PARD3B: variants seen among roughly 807,000 people sequenced by gnomAD.
The protein encoded by PARD3B is par-3 family cell polarity regulator beta, also known as partitioning defective 3 homolog B.
A neutral mutation model predicts 130.2 loss-of-function variants in PARD3B; 103 were observed. That is an observed-to-expected ratio of 0.79 (90% CI 0.67 to 0.93). The LOEUF (loss-of-function observed/expected upper bound fraction) is 0.93. Ranked by LOEUF, PARD3B falls within the 40% of genes least tolerant of loss-of-function variation. The pLI, the probability that PARD3B is intolerant of heterozygous loss-of-function variation, is 0.00. For missense variants in PARD3B, 1,609 were observed against 1,499.2 expected (o/e 1.07, Z -1.21); for synonymous variants, 583 against 553.2 (o/e 1.05, Z -0.76).
At position 205,440,092 on chromosome 2, in the gene PARD3B, A is replaced by G. The variant is rs1575027326; in HGVS notation, c.2742-278A>G. On this transcript the variant is annotated intron_variant, in intron 19 of 22. Coordinates refer to ENST00000406610, the MANE Select transcript of PARD3B (RefSeq NM_001302769.2). This position sits in a 1 kb window ranked among gnomAD's most constrained non-coding sequence, Gnocchi z 4.2. ...CTGTGGGGAGGGAATGTGAATGAAA[A>G]CAGCCTCTGAAGCTACTATCAGCCT... Among the ~76,000 whole-genome samples, 1 of 152,160 alleles carries G rather than the reference A, an allele frequency of 6.6e-6. No homozygotes were observed. Among genetic ancestry groups the G allele is most frequent in the Non-Finnish European group, 1.5e-5 (1 of 68,028 alleles).
At chr2:205,043,410 A>G (rs190855323) in intron 3 of PARD3B, among the ~76,000 whole-genome samples, 281 of 152,154 alleles carry the variant, frequency 1.8e-3, no homozygotes, top group African/African-American at 6.5e-3. Flanking sequence ...GTTATGTGCT[A>G]TGTTCACCAA....
chr2:205,174,906 G>T (rs2035380786), intron 12 of PARD3B, among the ~76,000 whole-genome samples: 1 of 152,164 alleles, frequency 6.6e-6, no homozygotes, highest in African/African-American at 2.4e-5. Context: ...ATTTTTCAAA[G>T]GATGAGCTTG....
chr2:205,130,901 G>A lies in PARD3B; in HGVS notation c.1434+5164G>A, dbSNP rs1258205065. ...AGAAAAAATGATGCACATGCATGTG[G>A]AACCCTACTTAACAGTTGCTGAGCT... On this transcript the variant is annotated intron_variant, in intron 10 of 22. Transcript: ENST00000406610. 2.6e-5 allele frequency among the ~76,000 whole-genome samples: 4 copies of A among 152,110 alleles called. 1 individual carries two copies. Among genetic ancestry groups the A allele is most frequent in the Non-Finnish European group, 5.9e-5 (4 of 68,012 alleles).
chr2:205,203,642 T>C (rs977409319), intron 15 of PARD3B, among the ~76,000 whole-genome samples: 9 of 151,978 alleles, frequency 5.9e-5, no homozygotes, highest in African/African-American at 1.7e-4. Flanking sequence ...GTGATGTTCC[T>C]CTCCCTGTGT....
At chr2:204,946,302 C>T (rs1464704443) in intron 2 of PARD3B, among the ~76,000 whole-genome samples, 1 of 152,224 alleles carries the variant, frequency 6.6e-6, no homozygotes, top group East Asian at 1.9e-4. Flanking sequence ...TCTAGTTTCT[C>T]ATCCAGCATT....
In PARD3B at chr2:204,606,640, T is replaced by A. The variant is rs1369616617; in HGVS notation, c.120+60521T>A. On this transcript the variant is annotated intron_variant, in intron 1 of 22. Coordinates refer to ENST00000406610, the MANE Select transcript of PARD3B (RefSeq NM_001302769.2). This position sits in a 1 kb window ranked among gnomAD's most constrained non-coding sequence, Gnocchi z 4.0. ...TCAGAATAGGAGAATCAACCATTTA[T>A]GAAGAAGCTCCAGTGGCTACCACAG... 6.6e-6 allele frequency among the ~76,000 whole-genome samples: 1 copy of A among 152,162 alleles called. No homozygotes were observed. Among genetic ancestry groups the A allele is most frequent in the Non-Finnish European group, 1.5e-5 (1 of 68,046 alleles).
chr2:205,380,083 T>A (rs868278354), intron 18 of PARD3B, among the ~76,000 whole-genome samples: 220 of 133,054 alleles, frequency 1.7e-3, no homozygotes, highest in Non-Finnish European at 2.5e-3. Context: ...AAAAAAAAAA[T>A]ATGTATATAT....
chr2:204,838,359 G>A (rs1386541115), intron 2 of PARD3B, among the ~76,000 whole-genome samples: 1 of 146,426 alleles, frequency 6.8e-6, no homozygotes, highest in Non-Finnish European at 1.5e-5. Flanking sequence ...ATGTGTGTGT[G>A]TGTGTGTGTG....
intron 2 of PARD3B, among the ~76,000 whole-genome samples, chr2:204,956,969 T>G (rs1030159715): frequency 2.6e-4 from 40 of 152,170 alleles, no homozygotes; most frequent in African/African-American, 8.2e-4. Flanking sequence ...CATGGCACCC[T>G]TTGCCCTACC....
chr2:204,770,892 G>C (rs757817295), intron 2 of PARD3B, among the ~76,000 whole-genome samples: 3 of 151,978 alleles, frequency 2.0e-5, no homozygotes, highest in Admixed American at 6.6e-5. Context: ...TTAATCTCTT[G>C]TGCAATTTTG....
At chr2:204,958,063 C>G (rs1165362841) in intron 2 of PARD3B, among the ~76,000 whole-genome samples, 1 of 152,088 alleles carries the variant, frequency 6.6e-6, no homozygotes, top group Non-Finnish European at 1.5e-5. Flanking sequence ...CATTAGTTCA[C>G]TTGACATGTA....
chr2:205,285,424 T>C (rs1391281950), intron 16 of PARD3B, among the ~76,000 whole-genome samples: 1 of 152,164 alleles, frequency 6.6e-6, no homozygotes, highest in African/African-American at 2.4e-5. Flanking sequence ...GCCTTGCCTA[T>C]TGTCCATGTG....
At chr2:204,892,619 G>C (rs1036627478) in intron 2 of PARD3B, among the ~76,000 whole-genome samples, 1 of 152,188 alleles carries the variant, frequency 6.6e-6, no homozygotes, top group Non-Finnish European at 1.5e-5. Context: ...GCTGTACTGA[G>C]AAAAGATATA....
Position 205,244,188 on chromosome 2 carries a change from T to C in PARD3B, c.2141-1590T>C, listed in dbSNP as rs2039472542. 6.6e-6 allele frequency among the ~76,000 whole-genome samples: 1 copy of C among 152,202 alleles called. No homozygotes were observed. On this transcript the variant is annotated intron_variant, in intron 15 of 22. Coordinates refer to ENST00000406610, the MANE Select transcript of PARD3B (RefSeq NM_001302769.2). This position sits in a 1 kb window ranked among gnomAD's most constrained non-coding sequence, Gnocchi z 4.7. ...GGGCTAGGTGGGAGTGGGAAGATTA[T>C]GTATAGTAACTGGGTCAATTAAGAC... is the stretch of plus-strand genomic sequence containing the variant.
chr2:204,672,986 T>C (rs2036377393), intron 1 of PARD3B, among the ~76,000 whole-genome samples: 1 of 152,216 alleles, frequency 6.6e-6, no homozygotes, highest in Admixed American at 6.5e-5. Context: ...TATGTATGTA[T>C]ATGTATGCCC....
chr2:204,911,480 C>G (rs905719250), intron 2 of PARD3B, among the ~76,000 whole-genome samples: 1 of 152,170 alleles, frequency 6.6e-6, no homozygotes, highest in Admixed American at 6.5e-5. Flanking sequence ...GAGACAGAAG[C>G]TCATCAAACA....
chr2:204,901,231 G>A (rs549434983), intron 2 of PARD3B, among the ~76,000 whole-genome samples: 68 of 152,268 alleles, frequency 4.5e-4, no homozygotes, highest in African/African-American at 1.5e-3. Context: ...GAACCAGTCA[G>A]GAGCCAGGGC....
intron 3 of PARD3B, among the ~76,000 whole-genome samples, chr2:205,008,407 T>C (rs1412709011): frequency 1.3e-5 from 2 of 152,162 alleles, no homozygotes; most frequent in Non-Finnish European, 2.9e-5. Context: ...TGAATTTCCC[T>C]TCTGTACTTT....
rs1321104096 is a variant in PARD3B at position 205,230,634 on chromosome 2, A to G, written c.2141-15144A>G. 1.3e-5 allele frequency among the ~76,000 whole-genome samples: 2 copies of G among 152,094 alleles called. No individual in the cohort carries two copies. Among genetic ancestry groups the G allele is most frequent in the African/African-American group, 2.4e-5 (1 of 41,416 alleles). ...GGTGCAAGCACTGCATTAGCCGCCCAACGGCTGTCTCACTAGGTTATTACC... is the reference window on the plus strand; with the variant it reads ...GGTGCAAGCACTGCATTAGCCGCCCGACGGCTGTCTCACTAGGTTATTACC... On this transcript the variant is annotated intron_variant, in intron 15 of 22. Transcript: ENST00000406610. This position sits in a 1 kb window ranked among gnomAD's most constrained non-coding sequence, Gnocchi z 4.1.
Sources: gnomAD v4.1 joint callset for allele counts (sites outside exome capture counted in the v4.1 genomes callset) on GRCh38, gnomAD v4.1.1 for gene constraint, Gnocchi (gnomAD v3.1) non-coding constraint, MANE v1.5 for transcripts, NCBI Gene and HGNC (gene_info 2026-07-23, HGNC 2026-07-21) for gene names.